The following SLC4A10 variants were observed in gnomAD, a reference collection of about 807,000 sequenced individuals.
SLC4A10 encodes the protein sodium-driven chloride bicarbonate exchanger.
Under a neutral mutation model 137.7 loss-of-function variants are expected in SLC4A10, and 42 were observed. That is an observed-to-expected ratio of 0.30 (90% CI 0.24 to 0.39). The LOEUF (loss-of-function observed/expected upper bound fraction) is 0.39. Among genes scored for constraint, SLC4A10 ranks in the 10% least tolerant of loss-of-function variants. SLC4A10 has a pLI of 1.00. For missense variants in SLC4A10, 925 were observed against 1,355.0 expected, an observed-to-expected ratio of 0.68 and a Z score of 4.98; for synonymous variants, 474 against 464.1, an observed-to-expected ratio of 1.02 and a Z score of -0.27.
chr2:161,974,219 A>T (rs1699016508), intron 23 of SLC4A10, 30 bp from the exon 24 acceptor site: 2 of 1,554,458 alleles, frequency 1.3e-6, no homozygotes, highest in Admixed American at 4.0e-5. Context: ...CATCAGGTTC[A>T]CTTTATATAC....
chr2:161,853,402 C>G (rs2059932349), intron 4 of SLC4A10, among the ~76,000 whole-genome samples: 1 of 152,194 alleles, frequency 6.6e-6, no homozygotes, highest in Non-Finnish European at 1.5e-5. Flanking sequence ...AGGATATCCT[C>G]TTGCCAATTA....
chr2:161,706,472 C>A (rs933492744), intron 1 of SLC4A10, among the ~76,000 whole-genome samples: 1 of 151,456 alleles, frequency 6.6e-6, no homozygotes, highest in Non-Finnish European at 1.5e-5. Context: ...TGGATCTATT[C>A]ATTTCTCTTC....
intron 13 of SLC4A10, 36 bp from the exon 14 acceptor site, chr2:161,904,740 A>T (rs1312852893): frequency 6.2e-7 from 1 of 1,611,676 alleles, no homozygotes; most frequent in Non-Finnish European, 8.5e-7. Context: ...CCTCCTGTAC[A>T]GCTTAGGTAA....
chr2:161,827,395 G>A (rs1288136690), intron 3 of SLC4A10, among the ~76,000 whole-genome samples: 3 of 152,072 alleles, frequency 2.0e-5, no homozygotes, highest in Non-Finnish European at 4.4e-5. Context: ...TATCTTTGGA[G>A]CACCCAACCT....
chr2:161,924,153 CTCTT>C (rs1346666307), intron 15 of SLC4A10, among the ~76,000 whole-genome samples: 3 of 152,114 alleles, frequency 2.0e-5, no homozygotes, highest in East Asian at 1.9e-4. Flanking sequence ...TGTTTCTTTT[CTCTT>C]TCTTTCTTCT....
chr2:161,716,852 G>T (rs1451899587), intron 1 of SLC4A10, among the ~76,000 whole-genome samples: 1 of 151,986 alleles, frequency 6.6e-6, no homozygotes, highest in Non-Finnish European at 1.5e-5. Flanking sequence ...GAATGTCATT[G>T]GTAGTTTAAT....
intron 1 of SLC4A10, among the ~76,000 whole-genome samples, chr2:161,711,643 C>T (rs2044299617): frequency 6.6e-6 from 1 of 151,752 alleles, no homozygotes; most frequent in Admixed American, 6.6e-5. Flanking sequence ...CTGATAGTGC[C>T]TCCAAAGTGC....
At chr2:161,801,741 G>A (rs746573316) in intron 2 of SLC4A10, among the ~76,000 whole-genome samples, 1 of 152,078 alleles carries the variant, frequency 6.6e-6, no homozygotes, top group Non-Finnish European at 1.5e-5. Flanking sequence ...GACTTAAAAT[G>A]TGACTTAACT....
intron 15 of SLC4A10, among the ~76,000 whole-genome samples, chr2:161,940,675 G>A (rs1249683266): frequency 6.6e-6 from 1 of 152,170 alleles, no homozygotes; most frequent in Non-Finnish European, 1.5e-5. Context: ...TGTAAGTTCT[G>A]GTGGAAAGCA....
intron 10 of SLC4A10, among the ~76,000 whole-genome samples, chr2:161,890,586 G>A (rs2062811096): frequency 6.6e-6 from 1 of 152,118 alleles, no homozygotes; most frequent in Non-Finnish European, 1.5e-5. Context: ...TTTAAAGCCT[G>A]TTTTATTGGA....
chr2:161,630,460 A>C (rs575955855), intron 1 of SLC4A10, among the ~76,000 whole-genome samples: 21 of 151,794 alleles, frequency 1.4e-4, no homozygotes, highest in African/African-American at 5.1e-4. Context: ...TTTTGACCAC[A>C]GGATTGTAGA....
At chr2:161,672,033 T>A (rs1349017991) in intron 1 of SLC4A10, among the ~76,000 whole-genome samples, 2 of 152,086 alleles carry the variant, frequency 1.3e-5, no homozygotes, top group Admixed American at 6.6e-5. Flanking sequence ...AAAAGGAATT[T>A]GTGAAAAAGA....
intron 15 of SLC4A10, among the ~76,000 whole-genome samples, chr2:161,936,461 T>C (rs935637837): frequency 6.6e-5 from 10 of 152,254 alleles, no homozygotes; most frequent in African/African-American, 2.2e-4. Context: ...TCAATCTCCT[T>C]ACTTATTATT....
chr2:161,932,332 A>G (rs1690550470), intron 15 of SLC4A10, among the ~76,000 whole-genome samples: 1 of 152,194 alleles, frequency 6.6e-6, no homozygotes, highest in African/African-American at 2.4e-5. Context: ...GACATTCAGA[A>G]AAAGACATTG....
chr2:161,769,353 A>G (rs560044041), intron 1 of SLC4A10, among the ~76,000 whole-genome samples: 3 of 152,128 alleles, frequency 2.0e-5, no homozygotes, highest in South Asian at 4.1e-4. Context: ...TTTGGAATGT[A>G]GCTCAACTCC....
At chr2:161,875,667 G>T (rs1264426803) in intron 8 of SLC4A10, among the ~76,000 whole-genome samples, 1 of 152,166 alleles carries the variant, frequency 6.6e-6, no homozygotes, top group Non-Finnish European at 1.5e-5. Flanking sequence ...TACTTCAAAT[G>T]ACCCAGAGAT....
At chr2:161,866,617 T>A (rs1017205145) in intron 6 of SLC4A10, among the ~76,000 whole-genome samples, 1 of 151,938 alleles carries the variant, frequency 6.6e-6, no homozygotes, top group African/African-American at 2.4e-5. Flanking sequence ...AAAAATAATA[T>A]CTACTTTGAC....
At chr2:161,794,435 C>T (rs2054540468) in intron 2 of SLC4A10, among the ~76,000 whole-genome samples, 1 of 151,988 alleles carries the variant, frequency 6.6e-6, no homozygotes, top group African/African-American at 2.4e-5. Context: ...CATTAGGGAG[C>T]TTTGGGATGT....
chr2:161,759,243 T>C (rs1423185148), intron 1 of SLC4A10, among the ~76,000 whole-genome samples: 1 of 152,006 alleles, frequency 6.6e-6, no homozygotes, highest in African/African-American at 2.4e-5. Context: ...TGTACAGTGA[T>C]GATTTGATAT....
Sources: gnomAD v4.1 joint callset for allele counts (sites outside exome capture counted in the v4.1 genomes callset) on GRCh38, gnomAD v4.1.1 for gene constraint, MANE v1.5 for transcripts, NCBI Gene and HGNC (gene_info 2026-07-23, HGNC 2026-07-21) for gene names.